INPP4A: variants seen among roughly 807,000 people sequenced by gnomAD.
INPP4A encodes the protein inositol polyphosphate-4-phosphatase type I A.
A neutral mutation model predicts 119.8 loss-of-function variants in INPP4A; 33 were observed. The observed-to-expected ratio is 0.28, with a 90% confidence interval of 0.21 to 0.37. INPP4A has a LOEUF of 0.37. INPP4A is among the 10% of genes least tolerant of loss of function. The pLI is 1.00. For synonymous variants in INPP4A, 496 were observed against 500.7 expected (o/e 0.99, Z 0.12); for missense variants, 956 against 1,289.9 (o/e 0.74, Z 3.97).
intron 1 of INPP4A, among the ~76,000 whole-genome samples, chr2:98,512,830 G>A (rs913232947): frequency 2.0e-5 from 3 of 152,182 alleles, no homozygotes; most frequent in Admixed American, 6.5e-5. Flanking sequence ...CCAGAGCCCC[G>A]AGAGGCATGA....
intron 1 of INPP4A, among the ~76,000 whole-genome samples, chr2:98,482,188 T>C (rs1678605306): frequency 6.6e-6 from 1 of 152,276 alleles, no homozygotes; most frequent in African/African-American, 2.4e-5. Flanking sequence ...TGAGGGACCC[T>C]GTTGGGCCAC....
intron 24 of INPP4A, among the ~76,000 whole-genome samples, chr2:98,582,409 ACAGT>A (rs1453015818): frequency 2.6e-5 from 4 of 152,202 alleles, no homozygotes; most frequent in African/African-American, 9.7e-5. Flanking sequence ...AGAGCCAGAC[ACAGT>A]CAGACACAGA....
intron 1 of INPP4A, among the ~76,000 whole-genome samples, chr2:98,494,242 G>C (rs1369537627): frequency 2.0e-5 from 3 of 152,186 alleles, no homozygotes; most frequent in Non-Finnish European, 4.4e-5. Context: ...CTCCAGCAAG[G>C]CTGCATGTTG....
rs766584478 is a variant in INPP4A, at chr2:98,563,594, A to C, written c.1985A>C (p.Tyr662Ser). ...GACAGCGCGCCCACCATAGCCACCTACCTGAGCCTGCAGTACCGCCGTGAC... is the reference window on the plus strand; with the variant it reads ...GACAGCGCGCCCACCATAGCCACCTCCCTGAGCCTGCAGTACCGCCGTGAC... The part of the protein sequence containing the change: ...MQDSAPTIAT[Y>S]LSLQYRRDVV... The change falls in exon 18 of 25, where the codon TAC (tyrosine) becomes TCC (serine). Residue 662 changes from tyrosine (Y) to serine (S), a missense_variant. Tyr to Ser is a moderately radical substitution (Grantham distance 144). Around this residue, in one of 2 missense-constraint regions of INPP4A, gnomAD observed 304 missense variants for 492.1 expected, o/e 0.62. Transcript: ENST00000409851. The C allele has an allele frequency of 6.2e-7, 1 of 1,613,250 alleles. No homozygotes were observed. The highest frequency in any genetic ancestry group is 8.5e-7 in the Non-Finnish European group (1 of 1,179,858).
chr2:98,460,100 CGTGTGTGTGTGTGTGTGT>C (rs3066275), intron 1 of INPP4A, among the ~76,000 whole-genome samples: 5 of 147,012 alleles, frequency 3.4e-5, no homozygotes, highest in Admixed American at 2.0e-4. Flanking sequence ...GTTTGGTCAT[CGTGTGTGTGTGTGTGTGT>C]GTGTGTGTGT....
At chr2:98,483,011 A>G (rs183692170) in intron 1 of INPP4A, among the ~76,000 whole-genome samples, 2 of 152,252 alleles carry the variant, frequency 1.3e-5, no homozygotes, top group Admixed American at 6.5e-5. Flanking sequence ...ATCTTAAAAA[A>G]ATTCCAAACC....
At chr2:98,466,889 A>G (rs1020541296) in intron 1 of INPP4A, among the ~76,000 whole-genome samples, 1 of 152,200 alleles carries the variant, frequency 6.6e-6, no homozygotes, top group Admixed American at 6.5e-5. Context: ...TAGCCGGGAA[A>G]GGGCCTTTTT....
Position 98,591,933 on chromosome 2 carries a change from G to A in INPP4A, c.*4325G>A, listed in dbSNP as rs931773133. ...CCTAATGTTGTAGTAATGAGCAGTA[G>A]ATGTCTCTCAGTGGGCAGTGTGACC... is the stretch of plus-strand genomic sequence containing the variant. On this transcript the variant is annotated 3_prime_UTR_variant, in exon 25 of 25. Coordinates refer to ENST00000409851, the MANE Select transcript of INPP4A (RefSeq NM_001134225.2). The A allele has an allele frequency of 2.0e-5, 3 of 152,242 alleles. No individual in the cohort carries two copies. Among genetic ancestry groups the A allele is most frequent in the Admixed American group, 1.3e-4 (2 of 15,280 alleles). 9.4% of individuals were successfully genotyped at this position (152,242 alleles called of 1,614,324 possible).
intron 1 of INPP4A, among the ~76,000 whole-genome samples, chr2:98,453,270 G>A (rs1174774177): frequency 6.6e-6 from 1 of 152,134 alleles, no homozygotes; most frequent in Non-Finnish European, 1.5e-5. Flanking sequence ...TAATTATTGC[G>A]GAAGGAAGGG....
At position 98,493,114 on chromosome 2, in the gene INPP4A, T is replaced by C. The variant is rs190845957; in HGVS notation, c.-165-25850T>C. Among the ~76,000 whole-genome samples the C allele has an allele frequency of 7.7e-3, 1,173 of 152,282 alleles. 12 individuals are homozygous for C. Among genetic ancestry groups the C allele is most frequent in the Admixed American group, 8.2e-3 (125 of 15,298 alleles). ...TTTGGATTCTGAGAACAGTCTTCTG[T>C]CCTTGAAGATTGGACAACACTTGGG... On this transcript the variant is annotated intron_variant, in intron 1 of 24. Coordinates refer to ENST00000409851, the MANE Select transcript of INPP4A (RefSeq NM_001134225.2).
At chr2:98,506,533 G>T (rs779281967) in intron 1 of INPP4A, among the ~76,000 whole-genome samples, 4 of 152,226 alleles carry the variant, frequency 2.6e-5, no homozygotes, top group African/African-American at 9.6e-5. Context: ...TTTACCTACA[G>T]AGACCTCTAG....
At chr2:98,543,508 G>T (rs569185503) in intron 10 of INPP4A, among the ~76,000 whole-genome samples, 34 of 152,282 alleles carry the variant, frequency 2.2e-4, no homozygotes, top group African/African-American at 7.9e-4. Context: ...GTTTTGCCCA[G>T]ACTCAGGTGG....
At chr2:98,562,128 A>G (rs1438241036) in intron 17 of INPP4A, among the ~76,000 whole-genome samples, 1 of 152,174 alleles carries the variant, frequency 6.6e-6, no homozygotes, top group Non-Finnish European at 1.5e-5. Context: ...CTTCGTCACC[A>G]TGATTCATTT....
At chr2:98,539,177 G>A (rs1690913280) in intron 9 of INPP4A, among the ~76,000 whole-genome samples, 196 bp downstream of exon 9, 1 of 152,170 alleles carries the variant, frequency 6.6e-6, no homozygotes, top group African/African-American at 2.4e-5. Context: ...TTCCTTGAAA[G>A]AGGATTAAAA....
rs888293253 is a variant in INPP4A at position 98,589,490 on chromosome 2, C to T, written c.*1882C>T. 7 of 181,922 alleles carry T rather than the reference C, an allele frequency of 3.8e-5. No individual in the cohort carries two copies. The highest frequency in any genetic ancestry group is 1.6e-4 in the African/African-American group (7 of 42,426). The allele number at this position is 181,922 out of a possible 1,614,324, so 11.3% of individuals were successfully genotyped here. ...GAGAGCATTAAATATCTGCACTCAT[C>T]AAAGGGAATATAGCAAATGTTGATC... is the stretch of plus-strand genomic sequence containing the variant. On this transcript the variant is annotated 3_prime_UTR_variant, in exon 25 of 25. Transcript: ENST00000409851.
At chr2:98,573,052 C>T (rs1446729488) in intron 23 of INPP4A, 125 bp downstream of exon 23, 8 of 703,940 alleles carry the variant, frequency 1.1e-5, no homozygotes, top group Non-Finnish European at 2.0e-5. Flanking sequence ...AGGAGGGAGT[C>T]ACTGAGTACG....
chr2:98,471,632 A>T (rs1390526196), intron 1 of INPP4A, among the ~76,000 whole-genome samples: 1 of 152,222 alleles, frequency 6.6e-6, no homozygotes, highest in Non-Finnish European at 1.5e-5. Flanking sequence ...TTTGCCAAGT[A>T]GACTGTGTAG....
intron 4 of INPP4A, chr2:98,521,616 A>G (rs1268600681): frequency 2.0e-5 from 3 of 152,320 alleles, no homozygotes; most frequent in East Asian, 3.9e-4. Context: ...ACTTGGACAA[A>G]TTGCAAAACC....
intron 5 of INPP4A, among the ~76,000 whole-genome samples, chr2:98,535,450 A>T (rs1690053333): frequency 6.6e-6 from 1 of 152,232 alleles, no homozygotes; most frequent in Non-Finnish European, 1.5e-5. Context: ...TTGAGTGTGA[A>T]ACCCATGAAA....
Sources: allele counts gnomAD v4.1 joint callset (sites outside exome capture counted in the v4.1 genomes callset), GRCh38; gene constraint gnomAD v4.1.1; regional missense constraint gnomAD v4.1.1; transcripts MANE v1.5; gene names NCBI Gene and HGNC (gene_info 2026-07-23, HGNC 2026-07-21).